ARHGAP24: variants seen among roughly 807,000 people sequenced by gnomAD.
ARHGAP24 encodes the protein Rho GTPase activating protein 24, also known as rho GTPase-activating protein 24.
ARHGAP24 carries 50 observed loss-of-function variants against 76.4 expected under a neutral mutation model. The observed-to-expected ratio is 0.65, with a 90% CI of 0.52 to 0.83. The LOEUF (loss-of-function observed/expected upper bound fraction) is 0.83. Among genes scored for constraint, ARHGAP24 ranks in the 40% least tolerant of loss-of-function variants. The probability of loss-of-function intolerance (pLI) is 0.00; values close to 1 mark genes in which losing one functional copy is unlikely to be tolerated. For missense variants in ARHGAP24, 930 were observed against 914.2 expected (o/e 1.02, Z -0.22); for synonymous variants, 345 against 323.3 (o/e 1.07, Z -0.72).
intron 2 of ARHGAP24, among the ~76,000 whole-genome samples, chr4:85,642,855 G>A (rs1721576502): frequency 6.6e-6 from 1 of 152,082 alleles, no homozygotes; most frequent in South Asian, 2.1e-4. Flanking sequence ...CCCTGCAATA[G>A]TCCCGTCGTT....
chr4:85,522,367 C>T (rs1283516354), intron 1 of ARHGAP24, among the ~76,000 whole-genome samples: 1 of 152,146 alleles, frequency 6.6e-6, no homozygotes, highest in Admixed American at 6.6e-5. Flanking sequence ...AGGTGATACT[C>T]AGTTGGTGAA....
At chr4:85,717,037 A>G (rs1724759867) in intron 2 of ARHGAP24, among the ~76,000 whole-genome samples, 1 of 152,102 alleles carries the variant, frequency 6.6e-6, no homozygotes, top group Non-Finnish European at 1.5e-5. Context: ...AGTATGGAAT[A>G]GAGTGAGGAG....
chr4:85,942,182 G>C lies in ARHGAP24; in HGVS notation c.508G>C (p.Glu170Gln), dbSNP rs1226612677. 6.8e-6 allele frequency: 11 copies of C among 1,614,148 alleles called. No homozygotes were observed. Among genetic ancestry groups the C allele is most frequent in the Non-Finnish European group, 5.9e-6 (7 of 1,180,032 alleles). Reference protein sequence around the residue: ...VDFIRQRGLKEEGLFRLPGQA... With the variant: ...VDFIRQRGLKQEGLFRLPGQA... ...CTTTATCCGACAAAGGGGGCTGAAA[G>C]AAGAGGGTCTCTTTCGACTGCCAGG... The change falls in exon 5 of 10, where the codon GAA (glutamate) becomes CAA (glutamine). Residue 170 changes from glutamate (E) to glutamine (Q), a missense_variant. Coordinates refer to ENST00000395184, the MANE Select transcript of ARHGAP24 (RefSeq NM_001025616.3).
chr4:85,681,005 G>A (rs1160213321), intron 2 of ARHGAP24, among the ~76,000 whole-genome samples: 1 of 151,958 alleles, frequency 6.6e-6, no homozygotes, highest in East Asian at 1.9e-4. Context: ...GACAGCCCTG[G>A]AATCCAGAAA....
intron 3 of ARHGAP24, among the ~76,000 whole-genome samples, chr4:85,814,595 G>GAGGT (rs1729156917): frequency 1.3e-5 from 2 of 152,190 alleles, no homozygotes; most frequent in Non-Finnish European, 2.9e-5. Flanking sequence ...GCTGATGTAA[G>GAGGT]AGGTAGGTTC....
At chr4:85,834,797 G>C (rs1730176904) in intron 3 of ARHGAP24, among the ~76,000 whole-genome samples, 1 of 152,150 alleles carries the variant, frequency 6.6e-6, no homozygotes, top group Non-Finnish European at 1.5e-5. Flanking sequence ...TTGCTCTATG[G>C]AATGTTTTGT....
chr4:85,979,151 T>C (rs1020252654), intron 8 of ARHGAP24, among the ~76,000 whole-genome samples: 2 of 152,206 alleles, frequency 1.3e-5, no homozygotes, highest in Non-Finnish European at 2.9e-5. Flanking sequence ...AAATCCATGT[T>C]TGATCTGCTT....
At chr4:85,884,653 G>A (rs908760323) in intron 3 of ARHGAP24, among the ~76,000 whole-genome samples, 2 of 152,070 alleles carry the variant, frequency 1.3e-5, no homozygotes, top group Non-Finnish European at 2.9e-5. Flanking sequence ...AAACACTCCT[G>A]TAATAAAGGA....
intron 2 of ARHGAP24, among the ~76,000 whole-genome samples, chr4:85,685,769 C>T (rs369374813): frequency 4.6e-5 from 7 of 152,236 alleles, no homozygotes; most frequent in South Asian, 2.1e-4. Context: ...GTTTCTGTTC[C>T]GTATCAGTGC....
At chr4:85,969,952 A>G (rs1217728437) in intron 5 of ARHGAP24, among the ~76,000 whole-genome samples, 1 of 152,222 alleles carries the variant, frequency 6.6e-6, no homozygotes, top group African/African-American at 2.4e-5. Context: ...AGAAAGAAAA[A>G]CATATATTTA....
chr4:85,794,898 C>A (rs1013412903), intron 3 of ARHGAP24, among the ~76,000 whole-genome samples: 2 of 152,242 alleles, frequency 1.3e-5, no homozygotes, highest in African/African-American at 4.8e-5. Flanking sequence ...TTCATCTGCA[C>A]TGGTTGGTGT....
At chr4:85,946,563 T>A (rs1279349296) in intron 5 of ARHGAP24, among the ~76,000 whole-genome samples, 1 of 152,234 alleles carries the variant, frequency 6.6e-6, no homozygotes, top group African/African-American at 2.4e-5. Context: ...TTCCCACTTA[T>A]AAGTGAGAAC....
At chr4:85,888,960 CT>C in intron 3 of ARHGAP24, among the ~76,000 whole-genome samples, 1 of 152,144 alleles carries the variant, frequency 6.6e-6, no homozygotes, top group East Asian at 1.9e-4. Flanking sequence ...TGATCTTTTT[CT>C]TTTTTATGGC....
intron 2 of ARHGAP24, among the ~76,000 whole-genome samples, chr4:85,573,517 T>A (rs1321640619): frequency 1.3e-5 from 2 of 152,190 alleles, no homozygotes; most frequent in Non-Finnish European, 2.9e-5. Flanking sequence ...CAAGGCACCA[T>A]GAGTGATACT....
chr4:85,835,728 C>T (rs956054679), intron 3 of ARHGAP24, among the ~76,000 whole-genome samples: 2 of 151,682 alleles, frequency 1.3e-5, no homozygotes. Flanking sequence ...CTCTGTTGCC[C>T]GGGCAGGAGT....
chr4:85,936,766 A>G (rs934671161), intron 4 of ARHGAP24, among the ~76,000 whole-genome samples: 1 of 152,304 alleles, frequency 6.6e-6, no homozygotes, highest in Non-Finnish European at 1.5e-5. Context: ...CAGAAGATGT[A>G]TGAGTTGACT....
chr4:85,908,458 T>G (rs977528316), intron 3 of ARHGAP24, among the ~76,000 whole-genome samples: 3 of 152,264 alleles, frequency 2.0e-5, no homozygotes, highest in Middle Eastern at 3.4e-3. Flanking sequence ...AGTTATTATG[T>G]TTTTCCTTTG....
chr4:85,693,400 G>T (rs6829248), intron 2 of ARHGAP24, among the ~76,000 whole-genome samples: 147,626 of 152,232 alleles, frequency 0.97, 71,744 homozygotes, highest in East Asian at 1. Context: ...TGACTCACTC[G>T]CCTGCCAGCC....
intron 3 of ARHGAP24, among the ~76,000 whole-genome samples, chr4:85,867,808 A>G (rs949116817): frequency 6.7e-6 from 1 of 148,952 alleles, no homozygotes; most frequent in Non-Finnish European, 1.5e-5. Flanking sequence ...TGATAATTAT[A>G]TATATAAAAC....
Sources: gnomAD v4.1 joint callset for allele counts (sites outside exome capture counted in the v4.1 genomes callset) on GRCh38, gnomAD v4.1.1 for gene constraint, MANE v1.5 for transcripts, NCBI Gene and HGNC (gene_info 2026-07-23, HGNC 2026-07-21) for gene names.